Variants in PDE4D observed in about 807,000 individuals in gnomAD.
PDE4D encodes phosphodiesterase 4D, also known as 3',5'-cyclic-AMP phosphodiesterase 4D.
A neutral mutation model predicts 87.4 loss-of-function variants in PDE4D; 24 were observed. The observed-to-expected ratio is 0.27, with a 90% CI of 0.20 to 0.39. The LOEUF (loss-of-function observed/expected upper bound fraction) is 0.39. Among genes scored for constraint, PDE4D ranks in the 10% least tolerant of loss-of-function variants. PDE4D has a pLI of 1.00. For synonymous variants in PDE4D, 384 were observed against 383.2 expected (o/e 1.00, Z -0.02); for missense variants, 714 against 1,041.0 (o/e 0.69, Z 4.32).
intron 1 of PDE4D, among the ~76,000 whole-genome samples, chr5:60,222,024 T>C (rs1305654435): frequency 6.6e-6 from 1 of 152,102 alleles, no homozygotes; most frequent in Non-Finnish European, 1.5e-5. Flanking sequence ...TGCTCTTGCA[T>C]AGCCACACCC....
chr5:59,238,604 T>C (rs537778368), intron 1 of PDE4D, among the ~76,000 whole-genome samples: 67 of 152,298 alleles, frequency 4.4e-4, no homozygotes, highest in African/African-American at 1.6e-3. Context: ...TCCCCAGCCC[T>C]ACTATTGAAC....
chr5:60,016,336 C>T (rs919585236), intron 2 of PDE4D, among the ~76,000 whole-genome samples: 3 of 152,166 alleles, frequency 2.0e-5, no homozygotes, highest in Admixed American at 6.6e-5. Flanking sequence ...GCAACTTGTA[C>T]TCTTTTTGCT....
intron 1 of PDE4D, among the ~76,000 whole-genome samples, chr5:59,289,554 A>T (rs1361846011): frequency 6.6e-6 from 1 of 152,022 alleles, no homozygotes; most frequent in Non-Finnish European, 1.5e-5. Context: ...AATAAAAGTC[A>T]TATATAACAG....
intron 1 of PDE4D, among the ~76,000 whole-genome samples, chr5:59,272,718 A>G (rs1445524446): frequency 6.6e-6 from 1 of 152,104 alleles, no homozygotes; most frequent in African/African-American, 2.4e-5. Flanking sequence ...TTTTGTCTTG[A>G]AATTAATAAA....
At chr5:60,170,624 C>G (rs983799523) in intron 2 of PDE4D, among the ~76,000 whole-genome samples, 4 of 151,728 alleles carry the variant, frequency 2.6e-5, no homozygotes, top group Non-Finnish European at 2.9e-5. Flanking sequence ...CATAATGAGG[C>G]CTCTGTACAC....
intron 5 of PDE4D, among the ~76,000 whole-genome samples, chr5:59,054,231 GTCT>G (rs1442715965): frequency 6.6e-6 from 1 of 152,144 alleles, no homozygotes; most frequent in Non-Finnish European, 1.5e-5. Flanking sequence ...GATGACCACC[GTCT>G]TCTTCTGAAT....
chr5:59,201,803 T>C (rs1480464540), intron 2 of PDE4D, among the ~76,000 whole-genome samples: 1 of 152,168 alleles, frequency 6.6e-6, no homozygotes, highest in African/African-American at 2.4e-5. Flanking sequence ...AAATAATCTA[T>C]TTAACACAAA....
At chr5:59,786,837 A>G (rs887365034) in intron 1 of PDE4D, among the ~76,000 whole-genome samples, 5 of 152,208 alleles carry the variant, frequency 3.3e-5, no homozygotes, top group Non-Finnish European at 5.9e-5. Flanking sequence ...CCAAGATAAA[A>G]GAGGTCATTG....
intron 1 of PDE4D, among the ~76,000 whole-genome samples, chr5:59,667,935 G>A (rs1396244091): frequency 6.6e-6 from 1 of 152,180 alleles, no homozygotes. Flanking sequence ...TCTCCAAGTT[G>A]TACCATACTT....
chr5:59,805,471 C>T (rs1767632842), intron 1 of PDE4D, among the ~76,000 whole-genome samples: 1 of 152,202 alleles, frequency 6.6e-6, no homozygotes, highest in African/African-American at 2.4e-5. Flanking sequence ...AGTGAAAATT[C>T]ATTGACTTTT....
At chr5:60,322,654 A>C (rs769665317) in intron 1 of PDE4D, among the ~76,000 whole-genome samples, 1 of 152,152 alleles carries the variant, frequency 6.6e-6, no homozygotes, top group Non-Finnish European at 1.5e-5. Context: ...TTTCTCTCTG[A>C]AATAGCTGTC....
intron 1 of PDE4D, among the ~76,000 whole-genome samples, chr5:60,410,218 C>T (rs149350469): frequency 6.6e-6 from 1 of 152,120 alleles, no homozygotes; most frequent in Non-Finnish European, 1.5e-5. Context: ...CTAGCAAAGG[C>T]TGGGTGTGGA....
chr5:59,390,680 T>G (rs1227056393), intron 1 of PDE4D, among the ~76,000 whole-genome samples: 1 of 152,138 alleles, frequency 6.6e-6, no homozygotes, highest in Non-Finnish European at 1.5e-5. Context: ...GTAAAAGACC[T>G]TATAAGTTGT....
intron 2 of PDE4D, among the ~76,000 whole-genome samples, chr5:60,108,397 G>C (rs893684509): frequency 2.6e-5 from 4 of 152,134 alleles, no homozygotes; most frequent in Non-Finnish European, 5.9e-5. Flanking sequence ...ATGTTCATGG[G>C]TCGGAAGAAT....
At chr5:59,902,559 A>G (rs1345117580) in intron 3 of PDE4D, among the ~76,000 whole-genome samples, 1 of 152,184 alleles carries the variant, frequency 6.6e-6, no homozygotes, top group Non-Finnish European at 1.5e-5. Context: ...AGAAGGAAGG[A>G]GCCCACAGGT....
At chr5:59,925,058 C>T (rs951295197) in intron 3 of PDE4D, among the ~76,000 whole-genome samples, 7 of 150,320 alleles carry the variant, frequency 4.7e-5, no homozygotes, top group African/African-American at 1.2e-4. Context: ...GCCTGTAGTC[C>T]CAGCTACTCA....
chr5:59,894,253 G>C (rs1188513033), upstream of PDE4D, among the ~76,000 whole-genome samples: 1 of 152,150 alleles, frequency 6.6e-6, no homozygotes, highest in Non-Finnish European at 1.5e-5. Context: ...GCTTGCCTCA[G>C]TGCTCTTAGA....
chr5:59,705,370 C>G (rs759259887), intron 1 of PDE4D, among the ~76,000 whole-genome samples: 12 of 152,062 alleles, frequency 7.9e-5, no homozygotes, highest in Non-Finnish European at 1.8e-4. Flanking sequence ...AAGACACAAA[C>G]CCAGCAGGAA....
At chr5:59,065,067 T>TATATACACAC (rs764430366) in intron 5 of PDE4D, among the ~76,000 whole-genome samples, 1 of 89,338 alleles carries the variant, frequency 1.1e-5, no homozygotes, top group African/African-American at 2.9e-5. Flanking sequence ...GATATATATA[T>TATATACACAC]ACACACACAC....
Sources: allele counts gnomAD v4.1 joint callset (sites outside exome capture counted in the v4.1 genomes callset), GRCh38; gene constraint gnomAD v4.1.1; transcripts MANE v1.5; gene names NCBI Gene and HGNC (gene_info 2026-07-23, HGNC 2026-07-21).